The following PLEKHM1 variants were observed in gnomAD, a reference collection of about 807,000 sequenced individuals.
The protein encoded by PLEKHM1 is pleckstrin homology and RUN domain containing M1, also known as pleckstrin homology domain-containing family M member 1.
Under a neutral mutation model 94.3 loss-of-function variants are expected in PLEKHM1, and 28 were observed. The ratio of observed to expected loss-of-function variants is 0.30; its 90% CI spans 0.22 to 0.41. The LOEUF (loss-of-function observed/expected upper bound fraction) is 0.41. PLEKHM1 is among the 10% of genes least tolerant of loss of function. The pLI is 1.00. For missense variants in PLEKHM1, 907 were observed against 1,358.6 expected, an observed-to-expected ratio of 0.67 and a Z score of 5.22; for synonymous variants, 424 against 581.2, an observed-to-expected ratio of 0.73 and a Z score of 3.89.
At chr17:45,457,599 C>T (rs1442007023) in intron 6 of PLEKHM1, among the ~76,000 whole-genome samples, 1 of 151,494 alleles carries the variant, frequency 6.6e-6, no homozygotes, top group Non-Finnish European at 1.5e-5. Flanking sequence ...GTGGCAGGTA[C>T]CTGTAATCCC....
rs150168670 is a variant in PLEKHM1 at position 45,460,801 on chromosome 17, C to T, written c.1309-2362G>A. Among the ~76,000 whole-genome samples the T allele has an allele frequency of 9.2e-4, 140 of 152,310 alleles. No homozygotes were observed. The South Asian group carries it at 0.016, about 17-fold the overall frequency. On this transcript the variant is annotated intron_variant, in intron 5 of 11. Transcript: ENST00000430334. ...CTTGCACTCCTGGACTCAAGTGATC[C>T]GCCCACCCTTGCCTCCCAAAGTGCT...
intron 5 of PLEKHM1, among the ~76,000 whole-genome samples, chr17:45,460,608 G>A (rs891237026): frequency 2.0e-5 from 3 of 152,216 alleles, no homozygotes; most frequent in African/African-American, 7.2e-5. Context: ...CCAGACTGGA[G>A]TACAGTGGCG....
intron 4 of PLEKHM1, among the ~76,000 whole-genome samples, chr17:45,469,911 A>T (rs553329437): frequency 6.6e-6 from 1 of 152,112 alleles, no homozygotes; most frequent in Non-Finnish European, 1.5e-5. Context: ...CGTCTCTACT[A>T]AAAATACAAA....
chr17:45,452,820 A>T (rs1467551842), intron 7 of PLEKHM1: 1 of 171,636 alleles, frequency 5.8e-6, no homozygotes, highest in African/African-American at 2.4e-5. Flanking sequence ...CAGTTGCTTA[A>T]CCACACTAGC....
chr17:45,451,215 G>A (rs114578982), intron 7 of PLEKHM1, among the ~76,000 whole-genome samples: 2,354 of 152,336 alleles, frequency 0.015, 70 homozygotes, highest in African/African-American at 0.054. Flanking sequence ...GGCAAGCAGC[G>A]AAGTAGCTGG....
At chr17:45,485,022 C>A (rs940238606) in intron 1 of PLEKHM1, among the ~76,000 whole-genome samples, 1 of 150,984 alleles carries the variant, frequency 6.6e-6, no homozygotes, top group African/African-American at 2.4e-5. Context: ...GAGGATGGTT[C>A]CTGCAGACCC....
At chr17:45,438,229 G>A (rs2050330962) in intron 11 of PLEKHM1, among the ~76,000 whole-genome samples, 1 of 152,156 alleles carries the variant, frequency 6.6e-6, no homozygotes, top group Admixed American at 6.5e-5. Flanking sequence ...AAGATCTCTT[G>A]CCTATATTTA....
At position 45,468,158 on chromosome 17, in the gene PLEKHM1, T is replaced by C. The variant is rs370348682; in HGVS notation, c.1308+51A>G. 1.1e-5 allele frequency: 18 copies of C among 1,611,402 alleles called. No homozygotes were observed. The African/African-American group carries it at 2.4e-4, about 22-fold the overall frequency. ...AGGGTCACTAGCTGGGGAAACCCTG[T>C]GTCAGCTGACATTTCCCAAGACTGC... On this transcript the variant is annotated intron_variant, in intron 5 of 11. Coordinates refer to ENST00000430334, the MANE Select transcript of PLEKHM1 (RefSeq NM_014798.3).
intron 4 of PLEKHM1, among the ~76,000 whole-genome samples, chr17:45,468,962 C>T (rs2051411923): frequency 6.6e-6 from 1 of 151,362 alleles, no homozygotes; most frequent in Non-Finnish European, 1.5e-5. Context: ...AATCGTTTCC[C>T]CAAACATGGT....
downstream of PLEKHM1, chr17:45,434,303 G>C (rs1213784127): frequency 6.6e-6 from 1 of 152,148 alleles, no homozygotes; most frequent in African/African-American, 2.4e-5. Context: ...CTTGGCGGCT[G>C]GTAGGCCTTG....
chr17:45,437,560 G>A lies in PLEKHM1; in HGVS notation c.*298C>T. 1 of 625,030 alleles carries A rather than the reference G, an allele frequency of 1.6e-6. No individual in the cohort carries two copies. Among genetic ancestry groups the A allele is most frequent in the South Asian group, 1.5e-5 (1 of 65,960 alleles). The allele number at this position is 625,030 out of a possible 1,614,324, so 38.7% of individuals were successfully genotyped here. On this transcript the variant is annotated 3_prime_UTR_variant, in exon 12 of 12. Coordinates refer to ENST00000430334, the MANE Select transcript of PLEKHM1 (RefSeq NM_014798.3). The surrounding 1 kb of genome is among the most constrained non-coding windows in gnomAD (Gnocchi z 4.0). ...CAGTGTTTGGGCAGCCCTAACGGAG[G>A]CGCCGGGACGCTGGTGAGCCAGGGC...
At chr17:45,463,505 A>G (rs2959993) in intron 5 of PLEKHM1, among the ~76,000 whole-genome samples, 2 of 152,136 alleles carry the variant, frequency 1.3e-5, no homozygotes, top group Middle Eastern at 3.2e-3. Context: ...TGATTCTCCT[A>G]CCTCAGCCTC....
Position 45,436,801 on chromosome 17 carries a change from C to A in PLEKHM1, c.*1057G>T, listed in dbSNP as rs889376875. 14 of 454,018 alleles carry A rather than the reference C, an allele frequency of 3.1e-5. No homozygotes were observed. The highest frequency in any genetic ancestry group is 7.0e-5 in the Admixed American group (3 of 42,564). The allele number at this position is 454,018 out of a possible 1,614,324, so 28.1% of individuals were successfully genotyped here. A position where few individuals can be genotyped will look rare whatever the true frequency, so the allele number is the denominator to read the frequency against. Reference sequence around the variant, plus strand: ...TGAGGTGGTGGCTGCATCCACAGGGCAGTTCCCCCGCACGCCCTGCACAGC... The same window carrying A: ...TGAGGTGGTGGCTGCATCCACAGGGAAGTTCCCCCGCACGCCCTGCACAGC... On this transcript the variant is annotated 3_prime_UTR_variant, in exon 12 of 12. Transcript: ENST00000430334.
In PLEKHM1 at chr17:45,436,792, T is replaced by C. The variant is rs557019974; in HGVS notation, c.*1066A>G. 2.2e-5 allele frequency: 10 copies of C among 454,106 alleles called. No individual in the cohort carries two copies. The highest frequency in any genetic ancestry group is 1.6e-4 in the South Asian group (10 of 64,480). 28.1% of individuals were successfully genotyped at this position (454,106 alleles called of 1,614,324 possible). On this transcript the variant is annotated 3_prime_UTR_variant, in exon 12 of 12. Coordinates refer to ENST00000430334, the MANE Select transcript of PLEKHM1 (RefSeq NM_014798.3). The stretch of plus-strand genomic sequence containing the variant: ...ATGGCTTTGTGAGGTGGTGGCTGCA[T>C]CCACAGGGCAGTTCCCCCGCACGCC...
intron 9 of PLEKHM1, among the ~76,000 whole-genome samples, chr17:45,442,567 G>T (rs1019074576): frequency 2.0e-5 from 3 of 152,082 alleles, no homozygotes; most frequent in Non-Finnish European, 4.4e-5. Context: ...CACCACGCCC[G>T]GCTAATTTTG....
At chr17:45,460,286 A>C (rs2051113769) in intron 5 of PLEKHM1, 1 of 151,736 alleles carries the variant, frequency 6.6e-6, no homozygotes. Context: ...TTGAGACAGA[A>C]CCTCACTCTG....
chr17:45,490,170 T>G (rs2145378679), intron 1 of PLEKHM1, among the ~76,000 whole-genome samples: 1 of 147,402 alleles, frequency 6.8e-6, no homozygotes, highest in African/African-American at 2.5e-5. Flanking sequence ...GAGCAGATCT[T>G]GGGGAGCTAG....
At chr17:45,443,755 A>T (rs879087152) in intron 9 of PLEKHM1, among the ~76,000 whole-genome samples, 1 of 152,068 alleles carries the variant, frequency 6.6e-6, no homozygotes, top group Admixed American at 6.5e-5. Flanking sequence ...CAGAGATTTC[A>T]CCACCTGGTT....
In PLEKHM1 at chr17:45,477,905, G is replaced by T. The variant is rs531876914; in HGVS notation, c.291C>A (p.Thr97=). ...CCTCTCCAGCTAAATCTCACTTGTG[G>T]GTGACAGCTTTCAGGAGGGGCCAGA... is the stretch of plus-strand genomic sequence containing the variant. ...PVFWPLLKAV[T]HKHIISELEH... is the part of the protein sequence containing the mutation. Residue 97 remains threonine, a synonymous_variant, in exon 3 of 12, where the codon ACC becomes ACA. Coordinates refer to ENST00000430334, the MANE Select transcript of PLEKHM1 (RefSeq NM_014798.3). 1.2e-6 allele frequency: 2 copies of T among 1,613,920 alleles called. No individual in the cohort carries two copies. Among genetic ancestry groups the T allele is most frequent in the African/African-American group, 1.3e-5 (1 of 75,046 alleles).
Sources: gnomAD v4.1 joint callset for allele counts (sites outside exome capture counted in the v4.1 genomes callset) on GRCh38, gnomAD v4.1.1 for gene constraint, Gnocchi (gnomAD v3.1) non-coding constraint, MANE v1.5 for transcripts, NCBI Gene and HGNC (gene_info 2026-07-23, HGNC 2026-07-21) for gene names.